NEU1: variants seen among roughly 807,000 people sequenced by gnomAD.
NEU1 encodes the protein sialidase-1.
In NEU1, 32 loss-of-function variants were observed where a neutral mutation model predicts 38.3. That is an observed-to-expected ratio of 0.84 (90% CI 0.63 to 1.12). The LOEUF is 1.12. Ranked by LOEUF, NEU1 falls within the 50% of genes most tolerant of loss-of-function variation. The probability of loss-of-function intolerance (pLI) is 0.00; values close to 1 mark genes in which losing one functional copy is unlikely to be tolerated. For missense variants in NEU1, 431 were observed against 549.2 expected, an observed-to-expected ratio of 0.78 and a Z score of 2.15; for synonymous variants, 192 against 225.2, an observed-to-expected ratio of 0.85 and a Z score of 1.32.
At position 31,862,814 on chromosome 6, in the gene NEU1, CCA is replaced by C. The variant is rs751131116; in HGVS notation, c.-40_-39del. The stretch of plus-strand genomic sequence containing the variant: ...CTGCCGCGACCCTGGCAGCTAGACT[CCA>C]CAGAGTCGGGAGTCAGCTGACCCGG... On this transcript the variant is annotated 5_prime_UTR_variant, in exon 1 of 6. Coordinates refer to ENST00000375631, the MANE Select transcript of NEU1 (RefSeq NM_000434.4). The surrounding 1 kb of genome is among the most constrained non-coding windows in gnomAD (Gnocchi z 6.3). 5.0e-6 allele frequency: 8 copies of C among 1,611,084 alleles called. No homozygotes were observed. The East Asian group carries it at 6.7e-5, about 13-fold the overall frequency.
At chr6:31,861,811 T>A in intron 2 of NEU1, 188 bp downstream of exon 2, 1 of 711,496 alleles carries the variant, frequency 1.4e-6, no homozygotes, top group Non-Finnish European at 2.5e-6. Context: ...TAAGTGAATG[T>A]CCAACTCCTT....
chr6:31,859,245 T>C lies in NEU1; in HGVS notation c.*474A>G, dbSNP rs1762406804. On this transcript the variant is annotated 3_prime_UTR_variant, in exon 6 of 6. Transcript: ENST00000375631. ...CATTAAAAATTTTAAGTTACAAACA[T>C]TTTGATTGATAGTCAGTCATGGTGG... 3.8e-6 allele frequency: 1 copy of C among 263,750 alleles called. No homozygotes were observed. Among genetic ancestry groups the C allele is most frequent in the African/African-American group, 2.2e-5 (1 of 45,784 alleles). 16.3% of individuals were successfully genotyped at this position (263,750 alleles called of 1,614,324 possible). A position where few individuals can be genotyped will look rare whatever the true frequency, so the allele number is the denominator to read the frequency against.
At chr6:31,859,977 G>A in intron 5 of NEU1, 32 bp from the exon 6 acceptor site, 4 of 1,612,124 alleles carry the variant, frequency 2.5e-6, no homozygotes, top group Non-Finnish European at 3.4e-6. Flanking sequence ...GGGAGAGAGG[G>A]TCTCTGCCCA....
Position 31,859,581 on chromosome 6 carries a change from G to A in NEU1, c.*138C>T, listed in dbSNP as rs1219760646. The A allele has an allele frequency of 3.2e-5, 27 of 844,888 alleles. No individual in the cohort carries two copies. The highest frequency in any genetic ancestry group is 4.7e-5 in the Non-Finnish European group (24 of 513,414). 52.3% of individuals were successfully genotyped at this position (844,888 alleles called of 1,614,324 possible). A position where few individuals can be genotyped will look rare whatever the true frequency, so the allele number is the denominator to read the frequency against. Reference sequence around the variant, plus strand: ...TAAAGGAAGTGATTTCCCTGGTAAAGGGAAGGTGATTTTGCCAAGGCTGGA... The same window carrying A: ...TAAAGGAAGTGATTTCCCTGGTAAAAGGAAGGTGATTTTGCCAAGGCTGGA... On this transcript the variant is annotated 3_prime_UTR_variant, in exon 6 of 6. Transcript: ENST00000375631.
chr6:31,860,877 C>T lies in NEU1; in HGVS notation c.616-256G>A. The T allele has an allele frequency of 1.6e-6, 1 of 620,738 alleles. No homozygotes were observed. Among genetic ancestry groups the T allele is most frequent in the South Asian group, 2.0e-5 (1 of 50,976 alleles). The allele number at this position is 620,738 out of a possible 1,614,324, so 38.5% of individuals were successfully genotyped here. On this transcript the variant is annotated intron_variant, in intron 3 of 5. Transcript: ENST00000375631. This position sits in a 1 kb window ranked among gnomAD's most constrained non-coding sequence, Gnocchi z 4.8. ...TGAGAGCTTAAACCCAACCTGTGCT[C>T]ACTCGCCAAGCTGTGCACCCTGGCA... is the stretch of plus-strand genomic sequence containing the variant.
At position 31,860,578 on chromosome 6, in the gene NEU1, T is replaced by C; in HGVS notation, c.659A>G (p.His220Arg). 4 of 1,614,064 alleles carry C rather than the reference T, an allele frequency of 2.5e-6. No homozygotes were observed. The highest frequency in any genetic ancestry group is 1.1e-5 in the South Asian group (1 of 91,088). ...GACTCCGTCCCGCTCCAGCGTCCCA[T>C]GGCCACACACGATGAGGCGGCCCTT... ...PRKGRLIVCG[H>R]GTLERDGVFC... The change falls in exon 4 of 6, where the codon CAT (histidine) becomes CGT (arginine). Residue 220 changes from histidine to arginine, a missense_variant. His to Arg is a conservative substitution (Grantham distance 29, BLOSUM62 0). Transcript: ENST00000375631. The surrounding 1 kb of genome is among the most constrained non-coding windows in gnomAD (Gnocchi z 4.8).
At position 31,858,309 on chromosome 6, in the gene NEU1, A is replaced by G. The variant is rs1206933692; in HGVS notation, c.*1410T>C. 6.6e-6 allele frequency: 1 copy of G among 152,090 alleles called. No homozygotes were observed. Among genetic ancestry groups the G allele is most frequent in the Non-Finnish European group, 1.5e-5 (1 of 68,022 alleles). 9.4% of individuals were successfully genotyped at this position (152,090 alleles called of 1,614,324 possible). On this transcript the variant is annotated 3_prime_UTR_variant, in exon 6 of 6. Coordinates refer to ENST00000375631, the MANE Select transcript of NEU1 (RefSeq NM_000434.4). The stretch of plus-strand genomic sequence containing the variant: ...AATATAGTGAGACTTTGTCTCTACT[A>G]AAAATTAAAAAAATCAGCCCGCCGG...
In NEU1 at chr6:31,862,336, A is replaced by G; in HGVS notation, c.160-145T>C. On this transcript the variant is annotated intron_variant, in intron 1 of 5. Coordinates refer to ENST00000375631, the MANE Select transcript of NEU1 (RefSeq NM_000434.4). The surrounding 1 kb of genome is among the most constrained non-coding windows in gnomAD (Gnocchi z 6.3). ...AACAAGAAAGAGGAACACGAAGGGG[A>G]GTTTGGAGCGAAGCTGGAGGCTCGG... is the stretch of plus-strand genomic sequence containing the variant. 9.8e-7 allele frequency: 1 copy of G among 1,017,178 alleles called. No individual in the cohort carries two copies. 63.0% of individuals were successfully genotyped at this position (1,017,178 alleles called of 1,614,324 possible).
chr6:31,860,263 G>T lies in NEU1; in HGVS notation c.800C>A (p.Pro267His), dbSNP rs765956691. ...ENDFNPDECQPYELPDGSVVI... is the reference protein window; with the variant it reads ...ENDFNPDECQHYELPDGSVVI... ...GACTGAGCCATCTGGGAGCTCATAGGGCTGAGGGGAGAGGACAGGACCTCA... is the reference window on the plus strand; with the variant it reads ...GACTGAGCCATCTGGGAGCTCATAGTGCTGAGGGGAGAGGACAGGACCTCA... The change falls in exon 5 of 6, where the codon CCC becomes CAC. Residue 267 changes from proline to histidine, a missense_variant and splice_region_variant. Coordinates refer to ENST00000375631, the MANE Select transcript of NEU1 (RefSeq NM_000434.4). This position sits in a 1 kb window ranked among gnomAD's most constrained non-coding sequence, Gnocchi z 4.8. 6.2e-7 allele frequency: 1 copy of T among 1,613,144 alleles called. No homozygotes were observed. The highest frequency in any genetic ancestry group is 8.5e-7 in the Non-Finnish European group (1 of 1,180,012).
At position 31,859,884 on chromosome 6, in the gene NEU1, G is replaced by T; in HGVS notation, c.1083C>A (p.Val361=). Residue 361 remains valine, a synonymous_variant, in exon 6 of 6, where the codon GTC becomes GTA. Transcript: ENST00000375631. Reference sequence around the variant, plus strand: ...AGCCACTGGGGCCTGGCCATAGCTGGACTGTCTCTTTCCGCCATGAGGTAC... The same window carrying T: ...AGCCACTGGGGCCTGGCCATAGCTGTACTGTCTCTTTCCGCCATGAGGTAC... ...SNGTSWRKET[V]QLWPGPSGYS... is the part of the protein sequence containing the mutation. 1 of 1,613,070 alleles carries T rather than the reference G, an allele frequency of 6.2e-7. No individual in the cohort carries two copies.
chr6:31,862,053 A>G lies in NEU1; in HGVS notation c.298T>C (p.Ser100Pro). The change falls in exon 2 of 6, where the codon TCC (serine) becomes CCC (proline). Residue 100 changes from serine (S) to proline (P), a missense_variant. Physicochemically the swap from Ser to Pro is moderately conservative, Grantham distance 74 (BLOSUM62 -1). Coordinates refer to ENST00000375631, the MANE Select transcript of NEU1 (RefSeq NM_000434.4). This position sits in a 1 kb window ranked among gnomAD's most constrained non-coding sequence, Gnocchi z 6.3. ...LLAFAEARKM[S>P]SSDEGAKFIA... is the part of the protein sequence containing the mutation. ...AACTTGGCCCCCTCATCGGATGAGG[A>G]CATTTTCCTCGCCTCAGCAAAGGCG... 4 of 1,613,064 alleles carry G rather than the reference A, an allele frequency of 2.5e-6. No individual in the cohort carries two copies. The highest frequency in any genetic ancestry group is 3.4e-6 in the Non-Finnish European group (4 of 1,180,028).
chr6:31,862,754 G>T lies in NEU1; in HGVS notation c.23C>A (p.Thr8Lys). The T allele has an allele frequency of 6.2e-7, 1 of 1,612,924 alleles. No homozygotes were observed. Among genetic ancestry groups the T allele is most frequent in the African/African-American group, 1.3e-5 (1 of 75,022 alleles). MTGERPS[T>K]ALPDRRWGPR... Reference sequence around the variant, plus strand: ...CCCCCAGCGTCTGTCCGGGAGCGCCGTGCTGGGTCGCTCCCCAGTCATCTC... The same window carrying T: ...CCCCCAGCGTCTGTCCGGGAGCGCCTTGCTGGGTCGCTCCCCAGTCATCTC... Residue 8 changes from threonine to lysine, a missense_variant, in exon 1 of 6, where the codon ACG becomes AAG. Physicochemically the swap from Thr to Lys is moderately conservative, Grantham distance 78 (BLOSUM62 -1). Coordinates refer to ENST00000375631, the MANE Select transcript of NEU1 (RefSeq NM_000434.4). The surrounding 1 kb of genome is among the most constrained non-coding windows in gnomAD (Gnocchi z 6.3).
chr6:31,861,249 C>A lies in NEU1; in HGVS notation c.554G>T (p.Arg185Leu), dbSNP rs778364915. The A allele has an allele frequency of 6.2e-7, 1 of 1,612,914 alleles. No individual in the cohort carries two copies. The highest frequency in any genetic ancestry group is 8.5e-7 in the Non-Finnish European group (1 of 1,180,032). ...KDDGVSWSTP[R>L]NLSLDIGTEV... ...AGTGCCAATATCCAGGGAGAGATTC[C>A]GGGGTGTGCTCCAGGAAACACCATC... Residue 185 changes from arginine to leucine, a missense_variant, in exon 3 of 6, where the codon CGG becomes CTG. Arg to Leu is a moderately radical substitution (Grantham distance 102, BLOSUM62 -2). Transcript: ENST00000375631.
rs768727558 is a variant in NEU1 at position 31,860,146 on chromosome 6, T to G, written c.917A>C (p.Asp306Ala). 6.2e-7 allele frequency: 1 copy of G among 1,612,944 alleles called. No individual in the cohort carries two copies. The highest frequency in any genetic ancestry group is 8.5e-7 in the Non-Finnish European group (1 of 1,179,994). The change falls in exon 5 of 6, where the codon GAT becomes GCT. Residue 306 changes from aspartate (D) to alanine (A), a missense_variant. Asp to Ala is a moderately radical substitution (Grantham distance 126). Transcript: ENST00000375631. This position sits in a 1 kb window ranked among gnomAD's most constrained non-coding sequence, Gnocchi z 4.8. ...YDACDTLRPR[D>A]VTFDPELVDP... ...CACGAGCTCAGGGTCGAAGGTCACA[T>G]CACGGGGCCTTAGTGTATCACAGGC...
chr6:31,862,404 G>A lies in NEU1; in HGVS notation c.160-213C>T, dbSNP rs538119040. Reference sequence around the variant, plus strand: ...GAAAGGAGAAGGCGCCTTCAGGGAGGGAAGGGGACCCCAAAAGAGGAAGGG... The same window carrying A: ...GAAAGGAGAAGGCGCCTTCAGGGAGAGAAGGGGACCCCAAAAGAGGAAGGG... On this transcript the variant is annotated intron_variant, in intron 1 of 5. Coordinates refer to ENST00000375631, the MANE Select transcript of NEU1 (RefSeq NM_000434.4). This position sits in a 1 kb window ranked among gnomAD's most constrained non-coding sequence, Gnocchi z 6.3. 6.6e-6 allele frequency among the ~76,000 whole-genome samples: 1 copy of A among 152,280 alleles called. No individual in the cohort carries two copies. Among genetic ancestry groups the A allele is most frequent in the African/African-American group, 2.4e-5 (1 of 41,568 alleles).
intron 3 of NEU1, 75 bp downstream of exon 3, chr6:31,861,113 A>C (rs760671534): frequency 4.4e-6 from 7 of 1,600,182 alleles, no homozygotes; most frequent in East Asian, 2.2e-5. Flanking sequence ...TTCCCCTTGG[A>C]AAGGAGTCCA....
chr6:31,860,142 C>G lies in NEU1; in HGVS notation c.921G>C (p.Val307=). ...GGTCCACGAGCTCAGGGTCGAAGGTCACATCACGGGGCCTTAGTGTATCAC... is the reference window on the plus strand; with the variant it reads ...GGTCCACGAGCTCAGGGTCGAAGGTGACATCACGGGGCCTTAGTGTATCAC... ...DACDTLRPRD[V]TFDPELVDPV... is the part of the protein sequence containing the mutation. Residue 307 remains valine (V), a synonymous_variant, in exon 5 of 6, where the codon GTG becomes GTC. Transcript: ENST00000375631. This position sits in a 1 kb window ranked among gnomAD's most constrained non-coding sequence, Gnocchi z 4.8. The G allele has an allele frequency of 6.2e-7, 1 of 1,613,016 alleles. No homozygotes were observed. Among genetic ancestry groups the G allele is most frequent in the Non-Finnish European group, 8.5e-7 (1 of 1,180,022 alleles).
intron 2 of NEU1, chr6:31,861,784 A>G: frequency 1.5e-6 from 1 of 654,084 alleles, no homozygotes; most frequent in East Asian, 2.7e-5. Flanking sequence ...GGTATATAGT[A>G]CCCAATAAAT....
At position 31,859,605 on chromosome 6, in the gene NEU1, G is replaced by C; in HGVS notation, c.*114C>G. ...AGGGAAGGTGATTTTGCCAAGGCTG[G>C]AGTCTAAAGGAAGATGGAACTGTCT... On this transcript the variant is annotated 3_prime_UTR_variant, in exon 6 of 6. Transcript: ENST00000375631. 9.6e-7 allele frequency: 1 copy of C among 1,043,286 alleles called. No individual in the cohort carries two copies. Among genetic ancestry groups the C allele is most frequent in the East Asian group, 2.5e-5 (1 of 40,236 alleles). 64.6% of individuals were successfully genotyped at this position (1,043,286 alleles called of 1,614,324 possible).
Sources: allele counts gnomAD v4.1 joint callset (sites outside exome capture counted in the v4.1 genomes callset), GRCh38; gene constraint gnomAD v4.1.1; non-coding constraint Gnocchi (gnomAD v3.1); transcripts MANE v1.5; gene names NCBI Gene and HGNC (gene_info 2026-07-23, HGNC 2026-07-21).